The following COL6A5 variants were observed in gnomAD, a reference collection of about 807,000 sequenced individuals.
COL6A5 encodes the protein collagen type VI alpha 5 chain, also known as collagen alpha-5(VI) chain.
Under a neutral mutation model 65.6 loss-of-function variants are expected in COL6A5, and 48 were observed. The ratio of observed to expected loss-of-function variants is 0.73; its 90% CI spans 0.58 to 0.93. The LOEUF (loss-of-function observed/expected upper bound fraction) is 0.93. COL6A5 is among the 40% of genes least tolerant of loss of function. The pLI is 0.00. For synonymous variants in COL6A5, 291 were observed against 322.8 expected, an observed-to-expected ratio of 0.90 and a Z score of 1.05; for missense variants, 914 against 928.3, an observed-to-expected ratio of 0.98 and a Z score of 0.20.
chr3:130,484,660 T>G, exon 8 of COL6A5: 1 of 397,734 alleles, frequency 2.5e-6, no homozygotes, highest in Non-Finnish European at 4.4e-6. Flanking sequence ...AAGAGGCTAA[T>G]TTTATGAACC....
chr3:130,461,924 A>G (rs930400479), intron 5 of COL6A5, among the ~76,000 whole-genome samples: 1 of 151,968 alleles, frequency 6.6e-6, no homozygotes, highest in Admixed American at 6.6e-5. Context: ...CTTTCTGCAG[A>G]CTACTGTTTC....
intron 4 of COL6A5, among the ~76,000 whole-genome samples, chr3:130,383,818 G>C (rs2107645595): frequency 6.6e-6 from 1 of 152,090 alleles, no homozygotes; most frequent in South Asian, 2.1e-4. Flanking sequence ...GTTTTTCATA[G>C]ATTCAGCTTA....
At chr3:130,429,514 A>G, upstream of COL6A5, 1 of 1,461,458 alleles carries the variant, frequency 6.8e-7, no homozygotes. Context: ...TTGTTTTTTG[A>G]ACTATTTTTA....
chr3:130,440,696 C>A (rs200667807), exon 3 of COL6A5: 1 of 1,613,522 alleles, frequency 6.2e-7, no homozygotes, highest in Non-Finnish European at 8.5e-7. Flanking sequence ...GGGCTCTACA[C>A]GTAAGGATGA....
At chr3:130,358,595 C>T (rs1935003539) in intron 1 of COL6A5, among the ~76,000 whole-genome samples, 1 of 152,144 alleles carries the variant, frequency 6.6e-6, no homozygotes, top group African/African-American at 2.4e-5. Context: ...TTCCCAATCT[C>T]ACTAGTAATT....
chr3:130,416,397 G>A (rs985677368), intron 23 of COL6A5, among the ~76,000 whole-genome samples: 6 of 152,108 alleles, frequency 3.9e-5, no homozygotes, highest in Admixed American at 1.3e-4. Context: ...TGCACATATG[G>A]TACGGGCACA....
At chr3:130,386,700 G>A (rs1344101673) in intron 5 of COL6A5, among the ~76,000 whole-genome samples, 1 of 151,986 alleles carries the variant, frequency 6.6e-6, no homozygotes, top group Non-Finnish European at 1.5e-5. Context: ...TCCTTTCAAG[G>A]GAGAAGGTCC....
At chr3:130,410,621 C>A in intron 20 of COL6A5, 97 bp downstream of exon 20, 1 of 1,047,186 alleles carries the variant, frequency 9.5e-7, no homozygotes, top group Non-Finnish European at 1.4e-6. Context: ...TGATTCAGGG[C>A]TGAAATATTT....
chr3:130,432,462 G>A (rs111225882), intron 1 of COL6A5, among the ~76,000 whole-genome samples: 5,919 of 151,716 alleles, frequency 0.039, 367 homozygotes, highest in African/African-American at 0.14. Flanking sequence ...GAGACAGGAG[G>A]CTCACTTGAA....
intron 23 of COL6A5, among the ~76,000 whole-genome samples, chr3:130,416,036 T>C (rs1937326889): frequency 6.6e-6 from 1 of 152,154 alleles, no homozygotes; most frequent in Non-Finnish European, 1.5e-5. Context: ...TTAAAAGTTA[T>C]ACATGCCATG....
In COL6A5 at chr3:130,471,899, G is replaced by A. The variant is rs1238064965; in HGVS notation, c.2328+932G>A. 3.9e-6 allele frequency: 6 copies of A among 1,534,828 alleles called. No individual in the cohort carries two copies. The South Asian group carries it at 6.0e-5, about 15-fold the overall frequency. On this transcript the variant is annotated intron_variant, in intron 7 of 7. Transcript: ENST00000512836. ...ACATTTAGAAGAAATTTCAGCTCTA[G>A]TGGTTGATAAACAGCAAGAAAAAGA...
chr3:130,411,727 A>G (rs1937181818), intron 20 of COL6A5, among the ~76,000 whole-genome samples: 1 of 152,186 alleles, frequency 6.6e-6, no homozygotes, highest in African/African-American at 2.4e-5. Flanking sequence ...TATAACTGAC[A>G]CATCAATGAG....
intron 17 of COL6A5, among the ~76,000 whole-genome samples, chr3:130,407,526 G>A (rs1415591082): frequency 6.6e-6 from 1 of 152,256 alleles, no homozygotes; most frequent in African/African-American, 2.4e-5. Flanking sequence ...AAGCCTTCAA[G>A]TAAAGCAATG....
At chr3:130,437,425 A>G (rs573788561) in intron 1 of COL6A5, among the ~76,000 whole-genome samples, 9 of 152,142 alleles carry the variant, frequency 5.9e-5, no homozygotes, top group South Asian at 2.1e-4. Flanking sequence ...AGACTGTGCA[A>G]TCACCTTTTC....
chr3:130,439,628 A>G lies in COL6A5; in HGVS notation c.581+13A>G, dbSNP rs1481037518. 6.5e-7 allele frequency: 1 copy of G among 1,536,118 alleles called. No homozygotes were observed. Among genetic ancestry groups the G allele is most frequent in the Non-Finnish European group, 8.8e-7 (1 of 1,133,140 alleles). ...GCACTTTGCTATGGTAAGACCAATGAAGAGAATTGACTGTGCTGAAGAGCT... is the reference window on the plus strand; with the variant it reads ...GCACTTTGCTATGGTAAGACCAATGGAGAGAATTGACTGTGCTGAAGAGCT... On this transcript the variant is annotated intron_variant, in intron 2 of 7. Coordinates refer to ENST00000512836, the Ensembl canonical transcript of COL6A5.
At chr3:130,431,505 G>A (rs1937805157) in exon 1 of COL6A5, 2 of 1,551,444 alleles carry the variant, frequency 1.3e-6, no homozygotes, top group Non-Finnish European at 1.7e-6. Flanking sequence ...TATTTGCTCT[G>A]GACAATTCCT....
At chr3:130,423,175 G>A (rs746625664) in intron 28 of COL6A5, among the ~76,000 whole-genome samples, 6 of 152,012 alleles carry the variant, frequency 3.9e-5, no homozygotes, top group Non-Finnish European at 7.4e-5. Context: ...GTCCCTGAAG[G>A]TTTCTGACAA....
At chr3:130,384,166 AG>A (rs973688027) in intron 4 of COL6A5, among the ~76,000 whole-genome samples, 4 of 152,008 alleles carry the variant, frequency 2.6e-5, no homozygotes, top group Non-Finnish European at 5.9e-5. Flanking sequence ...TCAAGAAGAG[AG>A]GAGGGCACAT....
chr3:130,356,833 G>A (rs1934940887), intron 1 of COL6A5, among the ~76,000 whole-genome samples: 1 of 152,164 alleles, frequency 6.6e-6, no homozygotes, highest in Non-Finnish European at 1.5e-5. Context: ...AGGCTTGCAT[G>A]TCAAAGCTGA....
Sources: allele counts gnomAD v4.1 joint callset (sites outside exome capture counted in the v4.1 genomes callset), GRCh38; gene constraint gnomAD v4.1.1; transcripts MANE v1.5; gene names NCBI Gene and HGNC (gene_info 2026-07-23, HGNC 2026-07-21).